Variants in PLXDC2 observed in about 807,000 individuals in gnomAD.
PLXDC2 encodes the protein plexin domain containing 2, also known as plexin domain-containing protein 2.
In PLXDC2, 40 loss-of-function variants were observed where a neutral mutation model predicts 68.9. The ratio of observed to expected loss-of-function variants is 0.58; its 90% CI spans 0.45 to 0.76. PLXDC2 has a LOEUF of 0.76. Ranked by LOEUF, PLXDC2 falls within the 30% of genes least tolerant of loss-of-function variation. The pLI is 0.00. For missense variants in PLXDC2, 644 were observed against 661.9 expected (o/e 0.97, Z 0.30); for synonymous variants, 243 against 234.2 (o/e 1.04, Z -0.34).
chr10:20,220,653 A>C lies in PLXDC2; in HGVS notation c.1312+1551A>C, dbSNP rs116392627. Among the ~76,000 whole-genome samples, 528 of 152,168 alleles carry C rather than the reference A, an allele frequency of 3.5e-3. 1 individual carries two copies. Among genetic ancestry groups the C allele is most frequent in the Middle Eastern group, 6.8e-3 (2 of 292 alleles). On this transcript the variant is annotated intron_variant, in intron 12 of 13. Transcript: ENST00000377252. ...GAAATTTCCCTGCTGGAAAACTGAT[A>C]ATTCATTCATTCATTGATTTCTGCT...
intron 1 of PLXDC2, among the ~76,000 whole-genome samples, chr10:19,971,834 G>A (rs1484476894): frequency 6.6e-6 from 1 of 152,136 alleles, no homozygotes; most frequent in African/African-American, 2.4e-5. Context: ...TGGAAGATGT[G>A]TTTACATGTG....
At chr10:20,138,896 G>C (rs1355986034) in intron 4 of PLXDC2, among the ~76,000 whole-genome samples, 1 of 151,884 alleles carries the variant, frequency 6.6e-6, no homozygotes, top group Non-Finnish European at 1.5e-5. Flanking sequence ...CTGGGTGAAA[G>C]AGCAAGACTC....
chr10:20,169,496 T>A (rs998817813), intron 7 of PLXDC2, among the ~76,000 whole-genome samples: 1 of 152,178 alleles, frequency 6.6e-6, no homozygotes, highest in Non-Finnish European at 1.5e-5. Context: ...TCCTTCCAAA[T>A]CCTTACACAA....
At chr10:19,845,833 G>A (rs748619932) in intron 1 of PLXDC2, among the ~76,000 whole-genome samples, 2 of 152,146 alleles carry the variant, frequency 1.3e-5, no homozygotes, top group Non-Finnish European at 2.9e-5. Flanking sequence ...TCATTGCCAT[G>A]GAAAAGGGGC....
intron 12 of PLXDC2, among the ~76,000 whole-genome samples, chr10:20,240,609 C>T (rs1002044392): frequency 2.0e-5 from 3 of 148,972 alleles, no homozygotes; most frequent in Non-Finnish European, 4.4e-5. Flanking sequence ...CTAATTAAGC[C>T]GTCATAATAC....
intron 1 of PLXDC2, among the ~76,000 whole-genome samples, chr10:19,966,365 A>G (rs1025804471): frequency 2.7e-5 from 4 of 147,194 alleles, no homozygotes; most frequent in African/African-American, 1.0e-4. Context: ...GTATACACAT[A>G]TATAAAAAAT....
chr10:20,143,498 AC>A (rs1344824345), intron 5 of PLXDC2, 81 bp downstream of exon 5: 2 of 1,562,954 alleles, frequency 1.3e-6, no homozygotes, highest in African/African-American at 2.7e-5. Context: ...GTTTTTGTAA[AC>A]TGTTTATTTT....
intron 3 of PLXDC2, among the ~76,000 whole-genome samples, chr10:20,067,388 A>G (rs1262385123): frequency 6.6e-6 from 1 of 152,162 alleles, no homozygotes; most frequent in Non-Finnish European, 1.5e-5. Context: ...TTGAAACATG[A>G]AAATGTCTGC....
intron 13 of PLXDC2, among the ~76,000 whole-genome samples, chr10:20,260,729 G>A (rs567349916): frequency 6.6e-6 from 1 of 152,230 alleles, no homozygotes; most frequent in South Asian, 2.1e-4. Flanking sequence ...AGGTTGCTGG[G>A]TCATATGGTA....
chr10:20,238,662 A>AAATATATATATATGTATATAT (rs1175526348), intron 12 of PLXDC2, among the ~76,000 whole-genome samples: 1 of 31,752 alleles, frequency 3.1e-5, no homozygotes, highest in African/African-American at 1.0e-4. Flanking sequence ...TCTCAAAAAA[A>AAATATATATATATGTATATAT]ATATATATAT....
chr10:19,905,114 T>C (rs1833127299), intron 1 of PLXDC2, among the ~76,000 whole-genome samples: 1 of 152,250 alleles, frequency 6.6e-6, no homozygotes, highest in Admixed American at 6.5e-5. Flanking sequence ...TAAATCTTAA[T>C]GGGAAACAGA....
At chr10:19,833,939 A>G (rs1327174315) in intron 1 of PLXDC2, among the ~76,000 whole-genome samples, 2 of 147,268 alleles carry the variant, frequency 1.4e-5, no homozygotes, top group East Asian at 4.3e-4. Context: ...TGGGCATTTC[A>G]TATTTTGCTT....
rs529435608 is a variant in PLXDC2, at chr10:20,082,276, TC to T, written c.541+14038del. On this transcript the variant is annotated intron_variant, in intron 4 of 13. Transcript: ENST00000377252. ...CAATAATTCAGCTAATAATTATATATCAATATTGTTTCAAAAATTTTGACAA... is the reference window on the plus strand; with the variant it reads ...CAATAATTCAGCTAATAATTATATATAATATTGTTTCAAAAATTTTGACAA... Among the ~76,000 whole-genome samples the T allele has an allele frequency of 1.2e-3, 184 of 151,926 alleles. 1 individual carries two copies. Among genetic ancestry groups the T allele is most frequent in the African/African-American group, 4.1e-3 (169 of 41,486 alleles).
At chr10:19,950,662 A>G (rs1167588627) in intron 1 of PLXDC2, among the ~76,000 whole-genome samples, 1 of 152,226 alleles carries the variant, frequency 6.6e-6, no homozygotes, top group Non-Finnish European at 1.5e-5. Context: ...GCAAAAATTC[A>G]TATGGAACCA....
intron 13 of PLXDC2, among the ~76,000 whole-genome samples, chr10:20,261,095 C>A (rs913972990): frequency 6.6e-6 from 1 of 152,140 alleles, no homozygotes; most frequent in Admixed American, 6.5e-5. Context: ...TAGCTACTAA[C>A]CCCTTACTCA....
At chr10:19,926,498 T>A (rs1833538653) in intron 1 of PLXDC2, among the ~76,000 whole-genome samples, 1 of 152,186 alleles carries the variant, frequency 6.6e-6, no homozygotes, top group Admixed American at 6.5e-5. Flanking sequence ...CTGCACTATG[T>A]TCATCTTGCC....
At chr10:20,088,941 A>T (rs1170222209) in intron 4 of PLXDC2, among the ~76,000 whole-genome samples, 2 of 152,126 alleles carry the variant, frequency 1.3e-5, no homozygotes, top group African/African-American at 4.8e-5. Flanking sequence ...CCTTGTCTGG[A>T]GCACATCGCT....
chr10:20,239,101 A>G (rs1835479779), intron 12 of PLXDC2, among the ~76,000 whole-genome samples: 1 of 152,116 alleles, frequency 6.6e-6, no homozygotes, highest in Non-Finnish European at 1.5e-5. Flanking sequence ...TTATTTTAAT[A>G]CACAAGGTAA....
intron 4 of PLXDC2, among the ~76,000 whole-genome samples, chr10:20,073,456 C>CT (rs1213668438): frequency 6.6e-6 from 1 of 152,166 alleles, no homozygotes; most frequent in African/African-American, 2.4e-5. Context: ...ATGTATTTTA[C>CT]TACGAATAAG....
Sources: gnomAD v4.1 joint callset for allele counts (sites outside exome capture counted in the v4.1 genomes callset) on GRCh38, gnomAD v4.1.1 for gene constraint, MANE v1.5 for transcripts, NCBI Gene and HGNC (gene_info 2026-07-23, HGNC 2026-07-21) for gene names.